The following DMD variants were observed in gnomAD, a reference collection of about 807,000 sequenced individuals.
DMD encodes the protein mutant dystrophin.
DMD carries 63 observed loss-of-function variants against 330.1 expected under a neutral mutation model. The ratio of observed to expected loss-of-function variants is 0.19; its 90% CI spans 0.16 to 0.24. The LOEUF is 0.24. Ranked by LOEUF, DMD falls within the 10% of genes least tolerant of loss-of-function variation. The pLI, the probability that DMD is intolerant of heterozygous loss-of-function variation, is 1.00. For missense variants in DMD, 3,344 were observed against 2,684.1 expected, an observed-to-expected ratio of 1.25 and a Z score of -5.43; for synonymous variants, 1,223 against 959.8, an observed-to-expected ratio of 1.27 and a Z score of -5.07.
chrX:32,448,770 G>C, intron 26 of DMD, 132 bp from the exon 27 acceptor site: 1 of 560,033 alleles, frequency 1.8e-6, no homozygotes, highest in Non-Finnish European at 2.7e-6. Flanking sequence ...AATCTAATAT[G>C]AACTCCAGTC....
intron 2 of DMD, among the ~76,000 whole-genome samples, chrX:32,980,258 C>T: frequency 9.7e-6 from 1 of 103,462 alleles, no homozygotes; most frequent in East Asian, 3.2e-4. Flanking sequence ...CCCAGCTACT[C>T]GGGAGGCTGA....
At chrX:33,194,394 C>A (rs2050813602) in intron 1 of DMD, among the ~76,000 whole-genome samples, 1 of 110,201 alleles carries the variant, frequency 9.1e-6, no homozygotes, top group African/African-American at 3.3e-5. Context: ...CAATTCTCTG[C>A]TTTTGGCATA....
intron 43 of DMD, among the ~76,000 whole-genome samples, chrX:32,263,046 A>G (rs1344796038): frequency 1.8e-5 from 2 of 112,066 alleles, no homozygotes; most frequent in Non-Finnish European, 3.8e-5. Flanking sequence ...CTTAGAGTCT[A>G]TGTCTTAGAA....
intron 16 of DMD, among the ~76,000 whole-genome samples, chrX:32,550,289 T>G (rs1464992166): frequency 2.7e-5 from 3 of 111,823 alleles, no homozygotes; most frequent in African/African-American, 9.8e-5. Flanking sequence ...CCAACAACAC[T>G]CTTGGACCAC....
chrX:32,803,385 T>C (rs1042747640), intron 7 of DMD, among the ~76,000 whole-genome samples: 2 of 110,317 alleles, frequency 1.8e-5, no homozygotes, highest in African/African-American at 6.7e-5. Context: ...TGGCTAGCCA[T>C]CTATTTTGTT....
At chrX:32,252,941 CATAA>C (rs1181724873) in intron 43 of DMD, among the ~76,000 whole-genome samples, 4 of 80,805 alleles carry the variant, frequency 5.0e-5, no homozygotes, top group Non-Finnish European at 9.0e-5. Context: ...TATATATATA[CATAA>C]ATATATATAA....
chrX:33,061,003 T>C (rs1344015498), intron 1 of DMD, among the ~76,000 whole-genome samples: 4 of 112,103 alleles, frequency 3.6e-5, no homozygotes, highest in Non-Finnish European at 7.5e-5. Context: ...AAGAAGGAAA[T>C]GAAATTATCA....
At chrX:33,223,862 A>T (rs1295837114) in intron 1 of DMD, among the ~76,000 whole-genome samples, 1 of 112,551 alleles carries the variant, frequency 8.9e-6, no homozygotes, top group Non-Finnish European at 1.9e-5. Context: ...AAAATATACA[A>T]AGAACTGTTA....
At position 32,599,331 on chromosome X, in the gene DMD, A is replaced by G. The variant is rs899913248; in HGVS notation, c.1483-3455T>C. Among the ~76,000 whole-genome samples, 3 of 111,950 alleles carry G rather than the reference A, an allele frequency of 2.7e-5. No homozygotes were observed. In the Admixed American group the frequency reaches 2.9e-4, roughly 11 times the overall value. On this transcript the variant is annotated intron_variant, in intron 12 of 78. Transcript: ENST00000357033. ...TAAAAAGCTGGAGTTAAAAAGTTCA[A>G]TTGTTCTGCCAAACTAGGAATCCAT...
At chrX:32,736,089 T>C (rs780900756) in intron 7 of DMD, among the ~76,000 whole-genome samples, 2 of 111,184 alleles carry the variant, frequency 1.8e-5, no homozygotes, top group South Asian at 7.6e-4. Flanking sequence ...AACAACCCCA[T>C]CAAAAAGTGG....
chrX:33,063,238 C>A (rs1353159829), intron 1 of DMD, among the ~76,000 whole-genome samples: 1 of 111,174 alleles, frequency 9.0e-6, no homozygotes, highest in Non-Finnish European at 1.9e-5. Flanking sequence ...CAGAAACAGA[C>A]AAGATTACTT....
At chrX:32,664,429 G>T (rs948655151) in intron 9 of DMD, among the ~76,000 whole-genome samples, 1 of 109,488 alleles carries the variant, frequency 9.1e-6, no homozygotes, top group African/African-American at 3.3e-5. Context: ...TTTTAGTAGA[G>T]ACGGGGTTTC....
intron 2 of DMD, among the ~76,000 whole-genome samples, chrX:32,899,569 G>A (rs1359828248): frequency 9.3e-6 from 1 of 107,410 alleles, no homozygotes; most frequent in Admixed American, 1.0e-4. Context: ...AGCTACTCAG[G>A]AGGCTGAGGC....
chrX:31,571,254 G>GGGGT (rs1391973551), intron 55 of DMD, among the ~76,000 whole-genome samples: 10 of 90,445 alleles, frequency 1.1e-4, no homozygotes, highest in East Asian at 3.6e-4. Flanking sequence ...GATTTAAAGG[G>GGGGT]GTGTGTGTGT....
At chrX:31,337,577 A>G (rs1048992981) in intron 61 of DMD, among the ~76,000 whole-genome samples, 2 of 112,513 alleles carry the variant, frequency 1.8e-5, no homozygotes, top group Non-Finnish European at 3.8e-5. Flanking sequence ...ATGTGATCCC[A>G]CTATTTCTGT....
At chrX:32,978,098 A>G in intron 2 of DMD, among the ~76,000 whole-genome samples, 1 of 57,860 alleles carries the variant, frequency 1.7e-5, no homozygotes, top group Middle Eastern at 7.0e-3. Context: ...CTTTAAGAGA[A>G]AAGTCTTCTT....
chrX:32,747,328 G>A (rs2070173317), intron 7 of DMD, among the ~76,000 whole-genome samples: 1 of 112,038 alleles, frequency 8.9e-6, no homozygotes, highest in South Asian at 3.7e-4. Flanking sequence ...CTACTCCAGG[G>A]CAAAGCTACT....
chrX:32,410,529 T>C (rs1236857548), intron 30 of DMD, among the ~76,000 whole-genome samples: 1 of 111,598 alleles, frequency 9.0e-6, no homozygotes, highest in East Asian at 2.8e-4. Context: ...ATCTAATATA[T>C]CACCCCCAAA....
intron 78 of DMD, among the ~76,000 whole-genome samples, chrX:31,123,045 A>AATAATT (rs59853351): frequency 0.2 from 22,390 of 110,833 alleles, 1,977 homozygotes; most frequent in African/African-American, 0.32. Context: ...AGATTCCCAT[A>AATAATT]ATAATTGTTA....
Sources: gnomAD v4.1 joint callset for allele counts (sites outside exome capture counted in the v4.1 genomes callset) on GRCh38, gnomAD v4.1.1 for gene constraint, MANE v1.5 for transcripts, NCBI Gene and HGNC (gene_info 2026-07-23, HGNC 2026-07-21) for gene names.